ABCA5: variants seen among roughly 807,000 people sequenced by gnomAD.
ABCA5 encodes the protein cholesterol transporter ABCA5.
Under a neutral mutation model 206.0 loss-of-function variants are expected in ABCA5, and 163 were observed. That is an observed-to-expected ratio of 0.79 (90% CI 0.70 to 0.90). ABCA5 has a LOEUF of 0.90. Among genes scored for constraint, ABCA5 ranks in the 40% least tolerant of loss-of-function variants. ABCA5 has a pLI of 0.00. For missense variants in ABCA5, 1,859 were observed against 1,912.9 expected, an observed-to-expected ratio of 0.97 and a Z score of 0.53; for synonymous variants, 609 against 613.8, an observed-to-expected ratio of 0.99 and a Z score of 0.11.
Position 69,306,770 on chromosome 17 carries a change from A to ATT in ABCA5, c.741_742dup (p.Ile248LysfsTer2). 3 of 1,553,640 alleles carry ATT rather than the reference A, an allele frequency of 1.9e-6. No homozygotes were observed. The highest frequency in any genetic ancestry group is 2.6e-6 in the Non-Finnish European group (3 of 1,147,054). On this transcript the variant is annotated frameshift_variant, in exon 6 of 39. Transcript: ENST00000392676. LOFTEE classifies it high-confidence loss of function. Reference sequence around the variant, plus strand: ...TCCCATTATCTTTAAAAATTCTTTTATTTTTTTTTCTTTTTCTGCTACGAT... The same window carrying ATT: ...TCCCATTATCTTTAAAAATTCTTTTATTTTTTTTTTTCTTTTTCTGCTACGAT...
intron 20 of ABCA5, among the ~76,000 whole-genome samples, chr17:69,272,804 T>C (rs1314370480): frequency 6.6e-6 from 1 of 152,192 alleles, no homozygotes; most frequent in Non-Finnish European, 1.5e-5. Context: ...TTATGTAATA[T>C]AACACGCACC....
chr17:69,303,606 TA>T (rs1356931313), intron 7 of ABCA5, among the ~76,000 whole-genome samples: 2,444 of 135,442 alleles, frequency 0.018, 82 homozygotes, highest in African/African-American at 0.055. Context: ...ATTCATAAGA[TA>T]AAAAAAACAG....
At position 69,303,852 on chromosome 17, in the gene ABCA5, A is replaced by ATG. The variant is rs1555584170; in HGVS notation, c.930+816_930+817insCA. Among the ~76,000 whole-genome samples the ATG allele has an allele frequency of 4.8e-5, 2 of 41,476 alleles. 1 individual carries two copies. The highest frequency in any genetic ancestry group is 1.6e-4 in the African/African-American group (2 of 12,788). The allele number at this position is 41,476 out of a possible 152,430, so 27.2% of individuals were successfully genotyped here. On this transcript the variant is annotated intron_variant, in intron 7 of 38. Coordinates refer to ENST00000392676, the MANE Select transcript of ABCA5 (RefSeq NM_172232.4). ...TATATATATATATACATACATATAT[A>ATG]TATGTATATATATATATACATATAT...
At position 69,301,278 on chromosome 17, in the gene ABCA5, A is replaced by G. The variant is rs1348641711; in HGVS notation, c.1128T>C (p.His376=). 1.3e-6 allele frequency: 2 copies of G among 1,586,800 alleles called. No homozygotes were observed. The highest frequency in any genetic ancestry group is 1.7e-6 in the Non-Finnish European group (2 of 1,173,768). ...AAGCACCTTCATTAAAATCTTCTAA[A>G]TGCATGACCTGAAAAATACAAACAC... is the stretch of plus-strand genomic sequence containing the variant. ...TFVIGIAQVM[H]LEDFNEGASF... The change falls in exon 9 of 39, where the codon CAT becomes CAC. Residue 376 remains histidine (H), a synonymous_variant. Transcript: ENST00000392676.
In ABCA5 at chr17:69,298,229, TAGGAAGGAAGGA is replaced by T. The variant is rs1190899981; in HGVS notation, c.1268-882_1268-871del. On this transcript the variant is annotated intron_variant, in intron 9 of 38. Transcript: ENST00000392676. ...CCCTGTCGGAAGGAAGGAAGGTAGG[TAGGAAGGAAGGA>T]AGGAAGGAAGGAAGGAAGGAAGGAA... 6.1e-3 allele frequency among the ~76,000 whole-genome samples: 205 copies of T among 33,484 alleles called. 4 individuals carry two copies. Among genetic ancestry groups the T allele is most frequent in the African/African-American group, 0.017 (190 of 11,284 alleles). 22.0% of individuals were successfully genotyped at this position (33,484 alleles called of 152,430 possible).
intron 20 of ABCA5, among the ~76,000 whole-genome samples, chr17:69,273,132 G>T (rs146608352): frequency 7.9e-5 from 12 of 151,800 alleles, no homozygotes; most frequent in Non-Finnish European, 1.5e-4. Flanking sequence ...ACAACTACAT[G>T]GTAAGAATAC....
intron 17 of ABCA5, 76 bp downstream of exon 17, chr17:69,285,822 A>C (rs2075444910): frequency 7.0e-7 from 1 of 1,428,030 alleles, no homozygotes; most frequent in African/African-American, 1.5e-5. Flanking sequence ...AGAAGGAAAC[A>C]AAAAGGAAAT....
chr17:69,277,691 T>C lies in ABCA5; in HGVS notation c.2544A>G (p.Ala848=). 1 of 1,611,460 alleles carries C rather than the reference T, an allele frequency of 6.2e-7. No homozygotes were observed. The part of the protein sequence containing the change: ...SLWKQQMYTI[A]KFHFFTLKRE... ...GTTTCAAGGTAAAGAAATGAAACTT[T>C]GCTATTGTATACATCTGTTGTTTCC... The change falls in exon 19 of 39, where the codon GCA becomes GCG. Residue 848 remains alanine (A), a synonymous_variant. Transcript: ENST00000392676.
At chr17:69,273,877 G>T in intron 20 of ABCA5, 82 bp downstream of exon 20, 1 of 1,338,400 alleles carries the variant, frequency 7.5e-7, no homozygotes, top group Non-Finnish European at 1.0e-6. Context: ...CTTAAATATA[G>T]TTTTAAAATC....
intron 34 of ABCA5, 78 bp from the exon 35 acceptor site, chr17:69,251,944 G>T: frequency 2.0e-6 from 3 of 1,515,488 alleles, no homozygotes; most frequent in East Asian, 2.3e-5. Flanking sequence ...AAATCCAACC[G>T]GTTGGTTAAT....
At chr17:69,299,436 C>A (rs1017724144) in intron 9 of ABCA5, among the ~76,000 whole-genome samples, 2 of 137,588 alleles carry the variant, frequency 1.5e-5, no homozygotes, top group African/African-American at 2.7e-5. Flanking sequence ...ATCCCAACAA[C>A]TGGATAAAGA....
In ABCA5 at chr17:69,319,003, C is replaced by T. The variant is rs998476955; in HGVS notation, c.-15-4573G>A. 21 of 487,012 alleles carry T rather than the reference C, an allele frequency of 4.3e-5. No individual in the cohort carries two copies. The East Asian group carries it at 8.2e-4, about 19-fold the overall frequency. The allele number at this position is 487,012 out of a possible 1,614,324, so 30.2% of individuals were successfully genotyped here. A position where few individuals can be genotyped will look rare whatever the true frequency, so the allele number is the denominator to read the frequency against. Reference sequence around the variant, plus strand: ...AGCAGAAAAACCCATGTCTCCCTCTCAAAAGGGCCTGTTTTACTATGATGT... The same window carrying T: ...AGCAGAAAAACCCATGTCTCCCTCTTAAAAGGGCCTGTTTTACTATGATGT... On this transcript the variant is annotated intron_variant, in intron 1 of 38. Transcript: ENST00000392676.
chr17:69,317,522 T>G (rs2075828800), intron 1 of ABCA5, among the ~76,000 whole-genome samples: 1 of 152,076 alleles, frequency 6.6e-6, no homozygotes, highest in Non-Finnish European at 1.5e-5. Context: ...ATGATTCCCT[T>G]TATAGGAAAC....
At position 69,273,988 on chromosome 17, in the gene ABCA5, T is replaced by C. The variant is rs374373978; in HGVS notation, c.2735A>G (p.Lys912Arg). Residue 912 changes from lysine (K) to arginine (R), a missense_variant, in exon 20 of 39, where the codon AAA becomes AGA. Transcript: ENST00000392676. ...LKPGDKPHKY[K>R]TSLLLQNSAD... ...AGAATTTTGAAGAAGCAGACTTGTT[T>C]TGTATTTATGTGGTTTGTCTCCAGG... The C allele has an allele frequency of 1.9e-6, 3 of 1,606,632 alleles. No individual in the cohort carries two copies. The highest frequency in any genetic ancestry group is 1.7e-5 in the Admixed American group (1 of 58,094).
At chr17:69,247,685 C>G (rs1321195814) in intron 38 of ABCA5, 41 bp from the exon 39 acceptor site, 1 of 1,176,762 alleles carries the variant, frequency 8.5e-7, no homozygotes, top group Non-Finnish European at 1.2e-6. Flanking sequence ...TGCTGTATCT[C>G]AAGTACCTCA....
chr17:69,258,436 CAT>C (rs1167994090), intron 28 of ABCA5, among the ~76,000 whole-genome samples: 3 of 152,128 alleles, frequency 2.0e-5, no homozygotes, highest in Admixed American at 6.6e-5. Flanking sequence ...TCAAATACCA[CAT>C]GTTCTCACTT....
chr17:69,265,536 T>C (rs2075198418), intron 23 of ABCA5, among the ~76,000 whole-genome samples: 1 of 152,168 alleles, frequency 6.6e-6, no homozygotes, highest in Non-Finnish European at 1.5e-5. Flanking sequence ...ATTTCTAAAA[T>C]ATTTCATAAA....
chr17:69,271,332 C>G (rs371398728), intron 20 of ABCA5, 43 bp from the exon 21 acceptor site: 28 of 1,566,614 alleles, frequency 1.8e-5, no homozygotes, highest in African/African-American at 2.8e-5. Flanking sequence ...TGAGTCTAAA[C>G]GAGGCTTTTA....
rs151334955 is a variant in ABCA5 at position 69,267,845 on chromosome 17, G to A, written c.3144+98C>T. On this transcript the variant is annotated intron_variant, in intron 23 of 38. Coordinates refer to ENST00000392676, the MANE Select transcript of ABCA5 (RefSeq NM_172232.4). Reference sequence around the variant, plus strand: ...ATTTATATTCCATTTACTTATTTCTGAAATAACAATTATACTAAGCCTTGC... The same window carrying A: ...ATTTATATTCCATTTACTTATTTCTAAAATAACAATTATACTAAGCCTTGC... The A allele has an allele frequency of 2.8e-3, 1,449 of 525,434 alleles. 22 individuals are homozygous for A. Among genetic ancestry groups the A allele is most frequent in the African/African-American group, 0.025 (1,287 of 51,080 alleles). 32.5% of individuals were successfully genotyped at this position (525,434 alleles called of 1,614,324 possible). A position where few individuals can be genotyped will look rare whatever the true frequency, so the allele number is the denominator to read the frequency against.
Sources: gnomAD v4.1 joint callset for allele counts (sites outside exome capture counted in the v4.1 genomes callset) on GRCh38, gnomAD v4.1.1 for gene constraint, MANE v1.5 for transcripts, NCBI Gene and HGNC (gene_info 2026-07-23, HGNC 2026-07-21) for gene names.